WFDC1: variants seen among roughly 807,000 people sequenced by gnomAD.
WFDC1 encodes WAP four-disulfide core domain protein 1.
WFDC1 carries 39 observed loss-of-function variants against 32.9 expected under a neutral mutation model. The ratio of observed to expected loss-of-function variants is 1.19; its 90% confidence interval spans 0.92 to 1.55. The LOEUF is 1.55. Ranked by LOEUF, WFDC1 falls within the 40% of genes most tolerant of loss-of-function variation. WFDC1 has a pLI of 0.00. For synonymous variants in WFDC1, 184 were observed against 137.4 expected, an observed-to-expected ratio of 1.34 and a Z score of -2.37; for missense variants, 386 against 309.5, an observed-to-expected ratio of 1.25 and a Z score of -1.85.
chr16:84,305,749 C>A (rs1907211832), intron 1 of WFDC1, among the ~76,000 whole-genome samples: 2 of 152,256 alleles, frequency 1.3e-5, no homozygotes, highest in South Asian at 4.1e-4. Context: ...CGCTTGTAAT[C>A]CCAGCACTTT....
chr16:84,323,603 C>CT (rs1961636685), intron 4 of WFDC1, among the ~76,000 whole-genome samples: 1 of 152,178 alleles, frequency 6.6e-6, no homozygotes, highest in African/African-American at 2.4e-5. Context: ...CTCACAATAA[C>CT]TTTAAGAGGT....
chr16:84,311,891 C>T lies in WFDC1; in HGVS notation c.145-1070C>T, dbSNP rs1037416539. ...TTAAAACATAATACTTCGGGCCAGG[C>T]GCGGTGGCTCACACCTGTAATCCCA... On this transcript the variant is annotated intron_variant, in intron 1 of 6. Coordinates refer to ENST00000219454, the MANE Select transcript of WFDC1 (RefSeq NM_021197.4). Among the ~76,000 whole-genome samples, 49 of 151,926 alleles carry T rather than the reference C, an allele frequency of 3.2e-4. 3 individuals are homozygous for T. The highest frequency in any genetic ancestry group is 2.1e-4 in the South Asian group (1 of 4,810).
intron 1 of WFDC1, among the ~76,000 whole-genome samples, chr16:84,310,373 G>A (rs562873839): frequency 8.5e-5 from 13 of 152,218 alleles, no homozygotes; most frequent in Admixed American, 5.2e-4. Flanking sequence ...AGGTGACGGC[G>A]CCCACACTGT....
At chr16:84,311,137 G>A (rs58290049) in intron 1 of WFDC1, among the ~76,000 whole-genome samples, 6,967 of 152,210 alleles carry the variant, frequency 0.046, 470 homozygotes, top group African/African-American at 0.15. Flanking sequence ...TCTGGTGTCA[G>A]GGGACCCAGG....
intron 1 of WFDC1, among the ~76,000 whole-genome samples, chr16:84,299,227 G>A (rs1413715018): frequency 6.6e-6 from 1 of 152,006 alleles, no homozygotes; most frequent in East Asian, 1.9e-4. Flanking sequence ...AGCCGGGCAT[G>A]GTGGCGCATG....
chr16:84,309,038 G>A (rs1055141174), intron 1 of WFDC1, among the ~76,000 whole-genome samples: 4 of 152,218 alleles, frequency 2.6e-5, no homozygotes, highest in Non-Finnish European at 5.9e-5. Flanking sequence ...GTGGCAGAGA[G>A]GATTTAAGCC....
At position 84,301,570 on chromosome 16, in the gene WFDC1, AC is replaced by A. The variant is rs1906937923; in HGVS notation, c.144+6460del. On this transcript the variant is annotated intron_variant, in intron 1 of 6. Coordinates refer to ENST00000219454, the MANE Select transcript of WFDC1 (RefSeq NM_021197.4). ...AGCGGGTGCTCAGTAGGCTCCGGAA[AC>A]CCCCAGCAGCACCCAGGAGGGGGTC... 2.0e-5 allele frequency among the ~76,000 whole-genome samples: 3 copies of A among 151,902 alleles called. No individual in the cohort carries two copies. In the South Asian group the frequency reaches 6.3e-4, roughly 32 times the overall value.
chr16:84,300,314 G>A (rs1193524583), intron 1 of WFDC1, among the ~76,000 whole-genome samples: 3 of 152,264 alleles, frequency 2.0e-5, no homozygotes, highest in African/African-American at 4.8e-5. Context: ...GGTGGGACAC[G>A]AGTGAGGAGT....
chr16:84,323,814 G>A (rs1472009461), intron 4 of WFDC1, among the ~76,000 whole-genome samples: 1 of 152,244 alleles, frequency 6.6e-6, no homozygotes, highest in Non-Finnish European at 1.5e-5. Context: ...TTGGCTTCCA[G>A]TTCATCTGTT....
intron 2 of WFDC1, chr16:84,316,549 C>G (rs1407213311): frequency 6.6e-6 from 1 of 152,156 alleles, no homozygotes; most frequent in Admixed American, 6.5e-5. Flanking sequence ...CACGCGAGGC[C>G]AGGAGTTTGG....
chr16:84,301,692 G>C (rs1457784960), intron 1 of WFDC1, among the ~76,000 whole-genome samples: 1 of 152,136 alleles, frequency 6.6e-6, no homozygotes, highest in Non-Finnish European at 1.5e-5. Context: ...CAAACTTACT[G>C]TAGGCTTGGC....
Position 84,294,975 on chromosome 16 carries a change from C to T in WFDC1, c.4C>T (p.Pro2Ser), listed in dbSNP as rs756718228. The change falls in exon 1 of 7, where the codon CCT (proline) becomes TCT (serine). Residue 2 changes from proline (P) to serine (S), a missense_variant. Transcript: ENST00000219454. ...AAGGTCGCTGCCCAGGGAGGAAATGCCTTTAACCGGCGTGGGGCCGGGCAG... is the reference window on the plus strand; with the variant it reads ...AAGGTCGCTGCCCAGGGAGGAAATGTCTTTAACCGGCGTGGGGCCGGGCAG... Reference protein sequence around the residue: MPLTGVGPGSCR... With the variant: MSLTGVGPGSCR... 6.8e-6 allele frequency: 11 copies of T among 1,612,488 alleles called. No individual in the cohort carries two copies. The highest frequency in any genetic ancestry group is 1.3e-5 in the African/African-American group (1 of 75,034).
At chr16:84,312,055 C>G (rs146416821) in intron 1 of WFDC1, among the ~76,000 whole-genome samples, 7,119 of 152,010 alleles carry the variant, frequency 0.047, 490 homozygotes, top group African/African-American at 0.16. Flanking sequence ...ATCCCAGCTA[C>G]TCGGGAGGCT....
chr16:84,303,009 ATTTC>A (rs1258696216), intron 1 of WFDC1, among the ~76,000 whole-genome samples: 52 of 145,274 alleles, frequency 3.6e-4, no homozygotes, highest in African/African-American at 1.2e-3. Context: ...CGTCTCGTGA[ATTTC>A]TTTCTTTCTT....
At chr16:84,305,010 C>T (rs1434704259) in intron 1 of WFDC1, among the ~76,000 whole-genome samples, 1 of 152,168 alleles carries the variant, frequency 6.6e-6, no homozygotes, top group Non-Finnish European at 1.5e-5. Context: ...TAGGACAGAC[C>T]CAGGTTCGAG....
intron 1 of WFDC1, among the ~76,000 whole-genome samples, chr16:84,312,647 T>C (rs967618200): frequency 1.3e-5 from 2 of 152,192 alleles, no homozygotes; most frequent in Admixed American, 6.5e-5. Flanking sequence ...ACATATATTA[T>C]GTATTATGTA....
intron 1 of WFDC1, among the ~76,000 whole-genome samples, chr16:84,310,654 A>C (rs1024468632): frequency 2.6e-5 from 4 of 152,172 alleles, no homozygotes; most frequent in Admixed American, 2.6e-4. Flanking sequence ...TTCTCAGCCT[A>C]TGCAAATAGA....
chr16:84,302,788 G>A (rs1907020926), intron 1 of WFDC1, among the ~76,000 whole-genome samples: 1 of 152,140 alleles, frequency 6.6e-6, no homozygotes, highest in African/African-American at 2.4e-5. Flanking sequence ...GTGAAGTCAG[G>A]GCCAACGTCT....
chr16:84,324,046 G>A (rs562435859), intron 4 of WFDC1, among the ~76,000 whole-genome samples: 1 of 152,284 alleles, frequency 6.6e-6, no homozygotes, highest in African/African-American at 2.4e-5. Flanking sequence ...CTTGAACCCA[G>A]GAGGCAGAGG....
Sources: allele counts gnomAD v4.1 joint callset (sites outside exome capture counted in the v4.1 genomes callset), GRCh38; gene constraint gnomAD v4.1.1; transcripts MANE v1.5; gene names NCBI Gene and HGNC (gene_info 2026-07-23, HGNC 2026-07-21).